The following RPH3A variants were observed in gnomAD, a reference collection of about 807,000 sequenced individuals.
RPH3A encodes rabphilin 3A, also known as rabphilin-3A.
RPH3A carries 48 observed loss-of-function variants against 102.2 expected under a neutral mutation model. That is an observed-to-expected ratio of 0.47 (90% CI 0.37 to 0.60). The LOEUF is 0.60. Ranked by LOEUF, RPH3A falls within the 20% of genes least tolerant of loss-of-function variation. RPH3A has a pLI of 0.00. For missense variants in RPH3A, 781 were observed against 910.1 expected (o/e 0.86, Z 1.83); for synonymous variants, 310 against 324.3 (o/e 0.96, Z 0.47).
intron 1 of RPH3A, among the ~76,000 whole-genome samples, chr12:112,727,244 T>C (rs1349150513): frequency 1.3e-5 from 2 of 149,796 alleles, no homozygotes; most frequent in East Asian, 4.0e-4. Context: ...TCCCACGTGC[T>C]GGGATTACAG....
At position 112,610,016 on chromosome 12, in the gene RPH3A, C is replaced by T. The variant is rs560632534; in HGVS notation, c.-140+34697C>T. Among the ~76,000 whole-genome samples the T allele has an allele frequency of 2.4e-4, 36 of 152,252 alleles. 1 individual carries two copies. The Middle Eastern group carries it at 0.01, about 43-fold the overall frequency. On this transcript the variant is annotated intron_variant, in intron 1 of 21. Coordinates refer to the RPH3A transcript ENST00000543106. ...GACTCTTCCTACAGCCCACAAGGGA[C>T]GGAGTGATCTGACCGTGCCCTGCTC...
At chr12:112,635,258 T>C (rs2039839647) in intron 1 of RPH3A, among the ~76,000 whole-genome samples, 1 of 152,226 alleles carries the variant, frequency 6.6e-6, no homozygotes, top group Non-Finnish European at 1.5e-5. Context: ...TGGATTGGCC[T>C]ATGGGCTGTT....
Position 112,869,787 on chromosome 12 carries a change from T to G in RPH3A, c.639T>G (p.Gly213=). ...RGDSEDRRGP[G]QKTGPDPASA... is the part of the protein sequence containing the mutation. The stretch of plus-strand genomic sequence containing the variant: ...ACAGTGAAGATAGGAGGGGCCCGGG[T>G]CAGAAGACAGGTGGGTTCTGCTGAC... The change falls in exon 9 of 22, where the codon GGT becomes GGG. Residue 213 remains glycine (G), a synonymous_variant. Transcript: ENST00000389385. The G allele has an allele frequency of 6.2e-7, 1 of 1,614,128 alleles. No homozygotes were observed. The highest frequency in any genetic ancestry group is 8.5e-7 in the Non-Finnish European group (1 of 1,180,028).
At chr12:112,890,158 C>T in intron 18 of RPH3A, 78 bp downstream of exon 18, 2 of 1,294,726 alleles carry the variant, frequency 1.5e-6, no homozygotes, top group South Asian at 2.4e-5. Flanking sequence ...TCTCTCCCTC[C>T]CTGGCCCCTT....
intron 1 of RPH3A, among the ~76,000 whole-genome samples, chr12:112,691,346 A>G (rs987481090): frequency 3.3e-5 from 5 of 152,236 alleles, no homozygotes; most frequent in African/African-American, 9.6e-5. Flanking sequence ...AAGCCCAGAA[A>G]TCTCTAGGGG....
Position 112,876,720 on chromosome 12 carries a change from T to C in RPH3A, c.1025T>C (p.Val342Ala), listed in dbSNP as rs764589701. Residue 342 changes from valine (V) to alanine (A), a missense_variant, in exon 13 of 22, where the codon GTT becomes GCT. Physicochemically the swap from Val to Ala is moderately conservative, Grantham distance 64 (BLOSUM62 0). Transcript: ENST00000389385. ...GGGGGAGTCGGGGGCTACCCAGCAGTTGGAGCCAGAGAGGACCGAATGAGC... is the reference window on the plus strand; with the variant it reads ...GGGGGAGTCGGGGGCTACCCAGCAGCTGGAGCCAGAGAGGACCGAATGAGC... ...RTGGVGGYPA[V>A]GAREDRMSHP... 4.3e-6 allele frequency: 7 copies of C among 1,613,014 alleles called. No homozygotes were observed. Among genetic ancestry groups the C allele is most frequent in the South Asian group, 1.1e-5 (1 of 90,870 alleles).
intron 1 of RPH3A, among the ~76,000 whole-genome samples, chr12:112,598,396 G>A (rs371088612): frequency 3.9e-5 from 6 of 152,126 alleles, no homozygotes; most frequent in Non-Finnish European, 5.9e-5. Context: ...GAATATATTC[G>A]GAATAGGAAG....
intron 1 of RPH3A, among the ~76,000 whole-genome samples, chr12:112,624,736 G>A (rs200026169): frequency 0.11 from 10,675 of 93,704 alleles, 551 homozygotes; most frequent in East Asian, 0.44. Flanking sequence ...TACCAAAGCC[G>A]GGCAGAGACA....
At chr12:112,751,351 G>A (rs1462749896) in intron 1 of RPH3A, among the ~76,000 whole-genome samples, 5 of 152,256 alleles carry the variant, frequency 3.3e-5, no homozygotes, top group South Asian at 2.1e-4. Flanking sequence ...AGACAGATCC[G>A]TCTTTTGTTC....
intron 1 of RPH3A, among the ~76,000 whole-genome samples, chr12:112,770,722 T>C (rs184082565): frequency 6.6e-6 from 1 of 152,248 alleles, no homozygotes. Context: ...TGGGGTCCCA[T>C]GTGGCCCAGT....
chr12:112,820,308 A>G (rs750028939), intron 2 of RPH3A, among the ~76,000 whole-genome samples: 19 of 152,212 alleles, frequency 1.2e-4, no homozygotes, highest in Non-Finnish European at 2.8e-4. Context: ...ATTAATGTTT[A>G]CTGAGCACAT....
intron 4 of RPH3A, among the ~76,000 whole-genome samples, chr12:112,847,383 G>C (rs2042247961): frequency 6.6e-6 from 1 of 152,188 alleles, no homozygotes; most frequent in Non-Finnish European, 1.5e-5. Context: ...CAGACTTCCT[G>C]TCCTGAATCA....
chr12:112,848,765 AGTACTG>A (rs779472512), intron 5 of RPH3A, among the ~76,000 whole-genome samples: 1 of 152,092 alleles, frequency 6.6e-6, no homozygotes, highest in Non-Finnish European at 1.5e-5. Flanking sequence ...GAGCAGGGAC[AGTACTG>A]GAGAGCAAGG....
intron 4 of RPH3A, among the ~76,000 whole-genome samples, chr12:112,840,992 G>T (rs2136177288): frequency 1.3e-5 from 2 of 151,672 alleles, no homozygotes; most frequent in Middle Eastern, 6.8e-3. Flanking sequence ...ATGGGCTGTT[G>T]GTGTCTCCAT....
chr12:112,866,906 T>A, intron 7 of RPH3A, 66 bp downstream of exon 7: 1 of 1,292,590 alleles, frequency 7.7e-7, no homozygotes, highest in Non-Finnish European at 1.1e-6. Context: ...AAGAGGTGCC[T>A]TAAGAGGTTT....
At chr12:112,789,032 C>T (rs983633764), upstream of RPH3A, among the ~76,000 whole-genome samples, 3 of 152,138 alleles carry the variant, frequency 2.0e-5, no homozygotes, top group African/African-American at 7.2e-5. Context: ...GGGGCGCATA[C>T]CTGTAGTCCC....
intron 2 of RPH3A, among the ~76,000 whole-genome samples, chr12:112,824,087 G>C (rs763262691): frequency 3.3e-5 from 5 of 152,210 alleles, no homozygotes; most frequent in Admixed American, 2.0e-4. Flanking sequence ...TGGACTCAGG[G>C]AGTGCTCCAA....
chr12:112,655,926 G>A (rs1426575757), intron 1 of RPH3A, among the ~76,000 whole-genome samples: 1 of 152,064 alleles, frequency 6.6e-6, no homozygotes, highest in Non-Finnish European at 1.5e-5. Context: ...AACAACTCCA[G>A]TCACTTTGTT....
chr12:112,831,960 T>A (rs1030774569), intron 3 of RPH3A: 1 of 252,834 alleles, frequency 4.0e-6, no homozygotes, highest in African/African-American at 2.4e-5. Flanking sequence ...AGTGGATTCA[T>A]GTTTTTCAGC....
Sources: gnomAD v4.1 joint callset for allele counts (sites outside exome capture counted in the v4.1 genomes callset) on GRCh38, gnomAD v4.1.1 for gene constraint, MANE v1.5 for transcripts, NCBI Gene and HGNC (gene_info 2026-07-23, HGNC 2026-07-21) for gene names.